The following CROCC2 variants were observed in gnomAD, a reference collection of about 807,000 sequenced individuals.
CROCC2 encodes the protein ciliary rootlet coiled-coil, rootletin family member 2.
CROCC2 carries 163 observed loss-of-function variants against 177.6 expected under a neutral mutation model. That is an observed-to-expected ratio of 0.92 (90% CI 0.81 to 1.05). The LOEUF (loss-of-function observed/expected upper bound fraction) is 1.05, where lower values mean the gene tolerates loss of function less well. Among genes scored for constraint, CROCC2 ranks in the 50% least tolerant of loss-of-function variants. The pLI, the probability that CROCC2 is intolerant of heterozygous loss-of-function variation, is 0.00. For missense variants in CROCC2, 1,929 were observed against 1,797.8 expected (o/e 1.07, Z -1.32); for synonymous variants, 904 against 787.3 (o/e 1.15, Z -2.48).
intron 1 of CROCC2, among the ~76,000 whole-genome samples, chr2:240,910,869 A>G (rs567365640): frequency 4.7e-4 from 71 of 152,206 alleles, no homozygotes; most frequent in African/African-American, 1.7e-3. Context: ...AGTGACTCAC[A>G]CCTGTAATCC....
chr2:240,970,521 T>C (rs2059713096), intron 27 of CROCC2, among the ~76,000 whole-genome samples: 1 of 152,256 alleles, frequency 6.6e-6, no homozygotes, highest in African/African-American at 2.4e-5. Flanking sequence ...TCTTTTCCCT[T>C]AGCATTTGCA....
chr2:240,963,630 C>T lies in CROCC2; in HGVS notation c.3162C>T (p.Val1054=), dbSNP rs975482474. The change falls in exon 21 of 32, where the codon GTC becomes GTT. Residue 1054 remains valine, a synonymous_variant. Transcript: ENST00000690015. The part of the protein sequence containing the change: ...LAALRQELQG[V]EESREGLHRE... ...CACTGCGCCAGGAGCTGCAGGGCGTCGAGGAGAGCCGGGAGGGGCTGCACA... is the reference window on the plus strand; with the variant it reads ...CACTGCGCCAGGAGCTGCAGGGCGTTGAGGAGAGCCGGGAGGGGCTGCACA... The T allele has an allele frequency of 1.2e-5, 19 of 1,549,216 alleles. No homozygotes were observed. The highest frequency in any genetic ancestry group is 1.7e-6 in the Non-Finnish European group (2 of 1,146,676).
At position 240,993,191 on chromosome 2, in the gene CROCC2, T is replaced by A; in HGVS notation, c.*110T>A. 1.5e-6 allele frequency: 1 copy of A among 670,520 alleles called. No individual in the cohort carries two copies. Among genetic ancestry groups the A allele is most frequent in the East Asian group, 2.8e-5 (1 of 36,022 alleles). The allele number at this position is 670,520 out of a possible 1,614,324, so 41.5% of individuals were successfully genotyped here. On this transcript the variant is annotated 3_prime_UTR_variant, in exon 32 of 32. Coordinates refer to ENST00000690015, the MANE Select transcript of CROCC2 (RefSeq NM_001351305.2). Reference sequence around the variant, plus strand: ...GCGTCACAGTGAAAGGCACCCGTGATGAGACAGCTCGCTCTCGGCAGTTTC... The same window carrying A: ...GCGTCACAGTGAAAGGCACCCGTGAAGAGACAGCTCGCTCTCGGCAGTTTC...
chr2:240,988,941 GT>G, intron 29 of CROCC2, 71 bp downstream of exon 29: 2 of 1,327,818 alleles, frequency 1.5e-6, no homozygotes, highest in South Asian at 4.3e-5. Flanking sequence ...CCAGGAGGGT[GT>G]CAGTTCCAGA....
Position 240,933,264 on chromosome 2 carries a change from G to C in CROCC2, c.1385G>C (p.Arg462Pro). 2 of 1,548,244 alleles carry C rather than the reference G, an allele frequency of 1.3e-6. No individual in the cohort carries two copies. Among genetic ancestry groups the C allele is most frequent in the East Asian group, 2.4e-5 (1 of 40,886 alleles). Residue 462 changes from arginine to proline, a missense_variant, in exon 10 of 32, where the codon CGA (arginine) becomes CCA (proline). Physicochemically the swap from Arg to Pro is moderately radical, Grantham distance 103 (BLOSUM62 -2). Around this residue, in one of 3 missense-constraint regions of CROCC2, gnomAD observed 1,397 missense variants for 1,239.9 expected, o/e 1.13. Transcript: ENST00000690015. ...QERAREQARE[R>P]EALRGQLEAQ... ...CGGGCTCGGGAGCAGGCACGGGAACGAGAGGCTCTTCGGGGCCAGCTGGAG... is the reference window on the plus strand; with the variant it reads ...CGGGCTCGGGAGCAGGCACGGGAACCAGAGGCTCTTCGGGGCCAGCTGGAG...
chr2:240,927,796 G>A (rs1405583274), intron 5 of CROCC2, among the ~76,000 whole-genome samples: 4 of 152,260 alleles, frequency 2.6e-5, no homozygotes, highest in Admixed American at 1.3e-4. Flanking sequence ...GATTACAGGC[G>A]TGTGCCACCA....
At chr2:240,941,109 A>G (rs1415164712) in intron 14 of CROCC2, among the ~76,000 whole-genome samples, 2 of 152,354 alleles carry the variant, frequency 1.3e-5, no homozygotes, top group East Asian at 3.9e-4. Context: ...AAAAATACTT[A>G]GGAATATGCC....
At chr2:240,916,742 G>T (rs1357105068) in intron 1 of CROCC2, among the ~76,000 whole-genome samples, 1 of 152,226 alleles carries the variant, frequency 6.6e-6, no homozygotes, top group African/African-American at 2.4e-5. Flanking sequence ...CGATGCCCGG[G>T]GGAGCGCAGG....
intron 2 of CROCC2, 78 bp from the exon 3 acceptor site, chr2:240,919,905 C>T (rs998510366): frequency 4.6e-6 from 3 of 647,892 alleles, no homozygotes; most frequent in Non-Finnish European, 8.5e-6. Context: ...CCCAGGGTCC[C>T]ACCGTGGAGA....
rs1350620143 is a variant in CROCC2, at chr2:240,910,988, A to G, written c.78+4397A>G. ...TCTACTGAAAATACAAAAATTAGCC[A>G]GGCATGATGGCAGGCGCCTGTAATC... On this transcript the variant is annotated intron_variant, in intron 1 of 31. Coordinates refer to ENST00000690015, the MANE Select transcript of CROCC2 (RefSeq NM_001351305.2). Among the ~76,000 whole-genome samples, 16 of 152,058 alleles carry G rather than the reference A, an allele frequency of 1.1e-4. No individual in the cohort carries two copies. The East Asian group carries it at 1.9e-3, about 18-fold the overall frequency.
Position 240,949,675 on chromosome 2 carries a change from G to A in CROCC2, c.2625G>A (p.Glu875=), listed in dbSNP as rs2059542300. 3.2e-6 allele frequency: 5 copies of A among 1,549,022 alleles called. No homozygotes were observed. The East Asian group carries it at 1.2e-4, about 38-fold the overall frequency. Residue 875 remains glutamate (E), a synonymous_variant, in exon 17 of 32, where the codon GAG becomes GAA. Transcript: ENST00000690015. This position sits in a 1 kb window ranked among gnomAD's most constrained non-coding sequence, Gnocchi z 4.5. ...AGAGCCAGGCGTTGGCCCACCGAGA[G>A]GCCCTGGCACAGCTCCAAAGGGAGA... ...ALESQALAHR[E]ALAQLQREKE...
At chr2:240,919,751 C>CCAGGTGCTCA (rs71049535) in intron 2 of CROCC2, among the ~76,000 whole-genome samples, 88,803 of 151,954 alleles carry the variant, frequency 0.58, 26,458 homozygotes, top group Middle Eastern at 0.71. Flanking sequence ...CATTGGGGTT[C>CCAGGTGCTCA]GAGGTGGTAG....
At chr2:240,962,648 G>A (rs775057073) in intron 20 of CROCC2, among the ~76,000 whole-genome samples, 47 of 152,330 alleles carry the variant, frequency 3.1e-4, no homozygotes, top group Middle Eastern at 3.4e-3. Flanking sequence ...TTGACATCGC[G>A]GAGTCTTTGT....
chr2:240,906,652 AG>A (rs2059255777), intron 1 of CROCC2, 61 bp downstream of exon 1: 2 of 398,890 alleles, frequency 5.0e-6, no homozygotes, highest in South Asian at 2.5e-4. Context: ...ACACTTTGGA[AG>A]GGACGCGGCA....
chr2:240,987,216 G>A (rs1180896560), intron 28 of CROCC2, among the ~76,000 whole-genome samples: 1 of 152,118 alleles, frequency 6.6e-6, no homozygotes, highest in Non-Finnish European at 1.5e-5. Flanking sequence ...GGGACGCAGA[G>A]CCAGCTGTGG....
intron 4 of CROCC2, 105 bp from the exon 5 acceptor site, chr2:240,925,619 C>T: frequency 1.6e-6 from 1 of 618,928 alleles, no homozygotes; most frequent in Non-Finnish European, 2.9e-6. Flanking sequence ...CAGTTAGGCC[C>T]AGAGGGTTTG....
chr2:240,907,377 C>T (rs559094792), intron 1 of CROCC2, among the ~76,000 whole-genome samples: 121 of 152,190 alleles, frequency 8.0e-4, no homozygotes, highest in Non-Finnish European at 1.2e-3. Flanking sequence ...CCCTGCACTG[C>T]CGTCACCTGC....
intron 22 of CROCC2, 50 bp from the exon 23 acceptor site, chr2:240,965,331 G>T (rs371393821): frequency 3.4e-5 from 52 of 1,543,332 alleles, no homozygotes; most frequent in Non-Finnish European, 4.0e-5. Context: ...GGCTGCCTGG[G>T]TTCCAGCACA....
chr2:240,983,195 C>T (rs2059813334), intron 28 of CROCC2, 166 bp downstream of exon 28: 14 of 854,414 alleles, frequency 1.6e-5, no homozygotes, highest in Non-Finnish European at 2.5e-5. Context: ...CAGGCACCAT[C>T]CAGTCCCCCG....
Sources: gnomAD v4.1 joint callset for allele counts (sites outside exome capture counted in the v4.1 genomes callset) on GRCh38, gnomAD v4.1.1 for gene constraint, gnomAD v4.1.1 regional missense constraint, Gnocchi (gnomAD v3.1) non-coding constraint, MANE v1.5 for transcripts, NCBI Gene and HGNC (gene_info 2026-07-23, HGNC 2026-07-21) for gene names.